The following MAML2 variants were observed in gnomAD, a reference collection of about 807,000 sequenced individuals.
MAML2 encodes mastermind-like protein 2.
A neutral mutation model predicts 96.1 loss-of-function variants in MAML2; 22 were observed. That is an observed-to-expected ratio of 0.23 (90% confidence interval 0.16 to 0.33). MAML2 has a LOEUF of 0.33. MAML2 is among the 10% of genes least tolerant of loss of function. The probability of loss-of-function intolerance (pLI) is 1.00; values close to 1 mark genes in which losing one functional copy is unlikely to be tolerated. For synonymous variants in MAML2, 561 were observed against 521.3 expected (o/e 1.08, Z -1.04); for missense variants, 1,367 against 1,392.4 (o/e 0.98, Z 0.29).
In MAML2 at chr11:95,979,553, T is replaced by C. The variant is rs1283022196; in HGVS notation, c.2866A>G (p.Met956Val). 2 of 1,613,942 alleles carry C rather than the reference T, an allele frequency of 1.2e-6. No homozygotes were observed. The highest frequency in any genetic ancestry group is 1.1e-5 in the South Asian group (1 of 91,060). ...SMPPQRTSNV[M>V]ITSNTTAPNW... The stretch of plus-strand genomic sequence containing the variant: ...GGTGCAGTTGTGTTGGATGTGATCA[T>C]TACGTTTGATGTTCTCTGTGGTGGC... The change falls in exon 5 of 5, where the codon ATG becomes GTG. Residue 956 changes from methionine to valine, a missense_variant. By Grantham distance (21) the Met-to-Val change is conservative (BLOSUM62 1). Transcript: ENST00000524717.
chr11:96,080,239 G>A (rs1273295282), intron 2 of MAML2, among the ~76,000 whole-genome samples: 1 of 152,110 alleles, frequency 6.6e-6, no homozygotes, highest in African/African-American at 2.4e-5. Flanking sequence ...AATGGATACG[G>A]CCTAAAGTTA....
chr11:96,194,634 C>A (rs1012623381), intron 1 of MAML2, among the ~76,000 whole-genome samples: 1 of 152,166 alleles, frequency 6.6e-6, no homozygotes, highest in Non-Finnish European at 1.5e-5. Context: ...GAAATGTTGC[C>A]TTCTTTTGTT....
rs1230256107 is a variant in MAML2, at chr11:96,070,108, A to G, written c.2139+21784T>C. On this transcript the variant is annotated intron_variant, in intron 2 of 4. Coordinates refer to ENST00000524717, the MANE Select transcript of MAML2 (RefSeq NM_032427.4). ...AGATCGAGACCATCCTGGCTAACAC[A>G]GTGAAACCCCGTCTCTACTAAAAAT... 5.3e-5 allele frequency among the ~76,000 whole-genome samples: 8 copies of G among 150,276 alleles called. No homozygotes were observed. In the South Asian group the frequency reaches 1.5e-3, roughly 28 times the overall value.
intron 1 of MAML2, among the ~76,000 whole-genome samples, chr11:96,257,471 G>A (rs543263823): frequency 2.2e-4 from 33 of 152,314 alleles, no homozygotes; most frequent in African/African-American, 7.9e-4. Flanking sequence ...GGCATGTTAG[G>A]CATTTAGTAA....
chr11:96,119,935 T>C (rs12577679), intron 1 of MAML2, among the ~76,000 whole-genome samples: 29,033 of 151,390 alleles, frequency 0.19, 2,924 homozygotes, highest in South Asian at 0.23. Context: ...GTCTGACAAA[T>C]ATATATTTGC....
intron 1 of MAML2, among the ~76,000 whole-genome samples, chr11:96,330,138 C>A (rs969245244): frequency 6.6e-6 from 1 of 152,076 alleles, no homozygotes; most frequent in Admixed American, 6.5e-5. Flanking sequence ...GACAGCATCA[C>A]CCAGGAGGGA....
At chr11:95,987,006 G>A (rs145294656) in intron 3 of MAML2, among the ~76,000 whole-genome samples, 1 of 152,174 alleles carries the variant, frequency 6.6e-6, no homozygotes, top group Non-Finnish European at 1.5e-5. Context: ...ACATCATGAG[G>A]GGTCACAGGG....
intron 1 of MAML2, among the ~76,000 whole-genome samples, chr11:96,319,169 C>T (rs1279248729): frequency 6.6e-6 from 1 of 152,194 alleles, no homozygotes; most frequent in Non-Finnish European, 1.5e-5. Context: ...GGAACTGAGG[C>T]CTCCGGTCAA....
chr11:96,017,954 A>G (rs1428260039), intron 2 of MAML2, among the ~76,000 whole-genome samples: 1 of 152,214 alleles, frequency 6.6e-6, no homozygotes, highest in African/African-American at 2.4e-5. Context: ...GACATGATAT[A>G]TGTTTTAAAG....
At chr11:96,016,951 T>C (rs904320477) in intron 2 of MAML2, among the ~76,000 whole-genome samples, 17 of 152,132 alleles carry the variant, frequency 1.1e-4, no homozygotes, top group African/African-American at 3.9e-4. Context: ...TTTTGATATA[T>C]GGAAACTATA....
chr11:96,030,485 A>C (rs1472755507), intron 2 of MAML2, among the ~76,000 whole-genome samples: 1 of 152,230 alleles, frequency 6.6e-6, no homozygotes, highest in Non-Finnish European at 1.5e-5. Flanking sequence ...AACATTACAA[A>C]TCCATGAGGA....
At chr11:96,008,895 C>A (rs1429993917) in intron 2 of MAML2, among the ~76,000 whole-genome samples, 1 of 152,196 alleles carries the variant, frequency 6.6e-6, no homozygotes, top group Admixed American at 6.5e-5. Flanking sequence ...TCATATTTAT[C>A]TAACCCTTGC....
chr11:96,158,600 A>G (rs547551009), intron 1 of MAML2, among the ~76,000 whole-genome samples: 1 of 152,308 alleles, frequency 6.6e-6, no homozygotes, highest in African/African-American at 2.4e-5. Context: ...GTCCTAATTT[A>G]TATATGAAGT....
chr11:96,220,711 G>GA (rs1862123877), intron 1 of MAML2, among the ~76,000 whole-genome samples: 1 of 151,650 alleles, frequency 6.6e-6, no homozygotes, highest in African/African-American at 2.4e-5. Flanking sequence ...GAGTAACTTG[G>GA]AAAAAAGTAC....
chr11:96,134,873 C>A (rs532048961), intron 1 of MAML2, among the ~76,000 whole-genome samples: 22 of 152,314 alleles, frequency 1.4e-4, no homozygotes, highest in African/African-American at 4.8e-4. Context: ...TTCTAAAAGT[C>A]GAGTTGCAGG....
At chr11:96,113,174 A>AG (rs1860161370) in intron 1 of MAML2, among the ~76,000 whole-genome samples, 1 of 27,210 alleles carries the variant, frequency 3.7e-5, no homozygotes. Flanking sequence ...TTAAAAGACA[A>AG]AAAAAAAAAA....
chr11:96,056,136 A>C (rs572191217), intron 2 of MAML2, among the ~76,000 whole-genome samples: 1 of 152,282 alleles, frequency 6.6e-6, no homozygotes, highest in East Asian at 1.9e-4. Flanking sequence ...TAAAGGATGG[A>C]ACCAAATTAC....
chr11:96,323,496 A>C (rs1393225984), intron 1 of MAML2, among the ~76,000 whole-genome samples: 2 of 151,048 alleles, frequency 1.3e-5, no homozygotes, highest in Non-Finnish European at 3.0e-5. Context: ...AAAAAAAAAA[A>C]CCCATCTGCA....
At chr11:95,994,606 A>AT (rs1472667877) in intron 2 of MAML2, among the ~76,000 whole-genome samples, 1 of 152,120 alleles carries the variant, frequency 6.6e-6, no homozygotes, top group African/African-American at 2.4e-5. Context: ...AAGCGTAAAG[A>AT]CAGCTGGAAG....
Sources: allele counts gnomAD v4.1 joint callset (sites outside exome capture counted in the v4.1 genomes callset), GRCh38; gene constraint gnomAD v4.1.1; transcripts MANE v1.5; gene names NCBI Gene and HGNC (gene_info 2026-07-23, HGNC 2026-07-21).